The following ECT2 variants were observed in gnomAD, a reference collection of about 807,000 sequenced individuals.
The protein encoded by ECT2 is epithelial cell transforming 2, also known as protein ECT2.
Under a neutral mutation model 116.9 loss-of-function variants are expected in ECT2, and 61 were observed. That is an observed-to-expected ratio of 0.52 (90% CI 0.42 to 0.65). The LOEUF is 0.65. ECT2 is among the 30% of genes least tolerant of loss of function. ECT2 has a pLI of 0.00. For missense variants in ECT2, 937 were observed against 1,078.7 expected, an observed-to-expected ratio of 0.87 and a Z score of 1.84; for synonymous variants, 358 against 346.4, an observed-to-expected ratio of 1.03 and a Z score of -0.37.
intron 24 of ECT2, chr3:172,818,626 G>T: frequency 7.8e-7 from 1 of 1,289,024 alleles, no homozygotes; most frequent in South Asian, 1.2e-5. Flanking sequence ...CTCTACTGGT[G>T]GGCGCTCTCA....
In ECT2 at chr3:172,806,217, G is replaced by A. The variant is rs575367647; in HGVS notation, c.2245+348G>A. 6.5e-5 allele frequency: 11 copies of A among 168,190 alleles called. No individual in the cohort carries two copies. The South Asian group carries it at 1.1e-3, about 17-fold the overall frequency. The allele number at this position is 168,190 out of a possible 1,614,324, so 10.4% of individuals were successfully genotyped here. On this transcript the variant is annotated intron_variant, in intron 21 of 24. Transcript: ENST00000392692. ...CTTCAGAATACAAAATAACCAGTCT[G>A]TTACCTGCACCCCTCATCTTAACAC...
intron 18 of ECT2, among the ~76,000 whole-genome samples, chr3:172,795,741 G>A (rs892131801): frequency 1.3e-5 from 2 of 152,108 alleles, no homozygotes; most frequent in Admixed American, 1.3e-4. Flanking sequence ...CAAGTAATTT[G>A]AAATCTTTAA....
chr3:172,816,830 C>T lies in ECT2; in HGVS notation c.2648C>T (p.Ser883Leu), dbSNP rs376069595. 6.3e-7 allele frequency: 1 copy of T among 1,579,202 alleles called. No individual in the cohort carries two copies. The highest frequency in any genetic ancestry group is 8.6e-7 in the Non-Finnish European group (1 of 1,158,156). Residue 883 changes from serine to leucine, a missense_variant, in exon 24 of 25, where the codon TCA becomes TTA. Coordinates refer to ENST00000392692, the MANE Select transcript of ECT2 (RefSeq NM_001258315.2). The part of the protein sequence containing the change: ...HVMSRLSSTS[S>L]LAGIPSPSLV... ...ATGAGTCGTCTTTCTAGCACATCATCATTAGCAGTAAGTTATTTTGATTTA... is the reference window on the plus strand; with the variant it reads ...ATGAGTCGTCTTTCTAGCACATCATTATTAGCAGTAAGTTATTTTGATTTA...
chr3:172,822,967 G>C (rs910168699), downstream of ECT2, among the ~76,000 whole-genome samples: 3 of 152,064 alleles, frequency 2.0e-5, no homozygotes, highest in East Asian at 5.8e-4. Context: ...TTGAAGAGTT[G>C]AGAGTTTTCT....
chr3:172,791,700 AG>A (rs1367609807), intron 18 of ECT2, among the ~76,000 whole-genome samples: 4 of 152,234 alleles, frequency 2.6e-5, no homozygotes, highest in Non-Finnish European at 4.4e-5. Flanking sequence ...TGGATTGTTA[AG>A]GCTGGTCTGA....
chr3:172,800,651 G>T (rs970358805), intron 18 of ECT2, among the ~76,000 whole-genome samples: 14 of 152,188 alleles, frequency 9.2e-5, no homozygotes, highest in Admixed American at 5.2e-4. Context: ...TGTTTACTCT[G>T]ATGTTATTCT....
In ECT2 at chr3:172,754,600, T is replaced by C. The variant is rs1560237259; in HGVS notation, c.70T>C (p.Ser24Pro). Reference sequence around the variant, plus strand: ...CTTGGCAGACTCTTCCATTTTTGATTCTAAAGTTACTGAGATTTCCAAGGA... The same window carrying C: ...CTTGGCAGACTCTTCCATTTTTGATCCTAAAGTTACTGAGATTTCCAAGGA... Reference protein sequence around the residue: ...TSLADSSIFDSKVTEISKENL... With the variant: ...TSLADSSIFDPKVTEISKENL... The change falls in exon 2 of 25, where the codon TCT becomes CCT. Residue 24 changes from serine to proline, a missense_variant. Coordinates refer to ENST00000392692, the MANE Select transcript of ECT2 (RefSeq NM_001258315.2). 2.5e-6 allele frequency: 4 copies of C among 1,612,068 alleles called. No individual in the cohort carries two copies. The South Asian group carries it at 3.3e-5, about 13-fold the overall frequency.
chr3:172,822,348 AT>A (rs1730729383), downstream of ECT2, among the ~76,000 whole-genome samples: 1 of 152,028 alleles, frequency 6.6e-6, no homozygotes, highest in South Asian at 2.1e-4. Flanking sequence ...AACATCAAGC[AT>A]TTCTTTATGA....
At position 172,773,992 on chromosome 3, in the gene ECT2, A is replaced by G. The variant is rs1295168005; in HGVS notation, c.1518A>G (p.Pro506=). ...TTAAGACTATTTTTGGTAGCATCCC[A>G]GATATCTTTGATGTACACACTAAGA... is the stretch of plus-strand genomic sequence containing the variant. The part of the protein sequence containing the change: ...EEIKTIFGSI[P]DIFDVHTKIK... The change falls in exon 14 of 25, where the codon CCA becomes CCG. Residue 506 remains proline, a synonymous_variant. Coordinates refer to ENST00000392692, the MANE Select transcript of ECT2 (RefSeq NM_001258315.2). The G allele has an allele frequency of 1.2e-6, 2 of 1,613,024 alleles. No individual in the cohort carries two copies. The highest frequency in any genetic ancestry group is 2.2e-5 in the East Asian group (1 of 44,852).
At chr3:172,758,854 C>T in intron 5 of ECT2, 126 bp from the exon 6 acceptor site, 3 of 744,454 alleles carry the variant, frequency 4.0e-6, no homozygotes, top group South Asian at 1.8e-5. Flanking sequence ...GAAAAAATGC[C>T]AGTAAATCTT....
intron 24 of ECT2, among the ~76,000 whole-genome samples, chr3:172,817,966 G>A (rs750947065): frequency 2.0e-5 from 3 of 152,034 alleles, no homozygotes; most frequent in East Asian, 1.9e-4. Flanking sequence ...TTTCAATTTC[G>A]TTGTCTGTAA....
chr3:172,827,116 A>G, the ECT2 span, among the ~76,000 whole-genome samples: 1 of 152,214 alleles, frequency 6.6e-6, no homozygotes, highest in Non-Finnish European at 1.5e-5. Context: ...GATAGCTTTT[A>G]TAAAAAGAAC....
At chr3:172,786,704 T>A in intron 18 of ECT2, 130 bp downstream of exon 18, 1 of 612,996 alleles carries the variant, frequency 1.6e-6, no homozygotes, top group Non-Finnish European at 2.9e-6. Context: ...TTTCTAATAG[T>A]GTAGTTACAC....
rs767899343 is a variant in ECT2 at position 172,762,560 on chromosome 3, T to C, written c.889+14T>C. On this transcript the variant is annotated intron_variant, in intron 9 of 24. Transcript: ENST00000392692. The stretch of plus-strand genomic sequence containing the variant: ...CTGAAATGCAAGGTAAAATTTAGCA[T>C]AATGTAAAAGTTATATCTATTTTAG... The C allele has an allele frequency of 6.3e-7, 1 of 1,588,088 alleles. No individual in the cohort carries two copies. The highest frequency in any genetic ancestry group is 2.2e-5 in the East Asian group (1 of 44,638).
intron 11 of ECT2, among the ~76,000 whole-genome samples, chr3:172,763,316 C>T (rs1010878929): frequency 6.6e-6 from 1 of 152,064 alleles, no homozygotes; most frequent in Non-Finnish European, 1.5e-5. Flanking sequence ...TTTTAGGTAG[C>T]CTCGCTCTGA....
chr3:172,792,328 AAAC>A (rs1340536790), intron 18 of ECT2, among the ~76,000 whole-genome samples: 1 of 152,218 alleles, frequency 6.6e-6, no homozygotes, highest in Non-Finnish European at 1.5e-5. Flanking sequence ...TCAATCTGTG[AAAC>A]AACAACAGCA....
chr3:172,762,292 A>G (rs540059670), intron 8 of ECT2, 124 bp from the exon 9 acceptor site: 28 of 1,040,698 alleles, frequency 2.7e-5, no homozygotes, highest in Middle Eastern at 3.3e-4. Flanking sequence ...AGGACCAAAT[A>G]TTAAATAGTT....
chr3:172,789,403 C>T (rs1451345776), intron 18 of ECT2, among the ~76,000 whole-genome samples: 4 of 151,996 alleles, frequency 2.6e-5, no homozygotes, highest in Non-Finnish European at 1.5e-5. Flanking sequence ...GGGGTTTTGC[C>T]ATGTAGCCCA....
intron 18 of ECT2, among the ~76,000 whole-genome samples, chr3:172,798,304 A>G (rs1726095813): frequency 6.6e-6 from 1 of 152,152 alleles, no homozygotes; most frequent in Non-Finnish European, 1.5e-5. Context: ...TGTCAGTTGC[A>G]AACTTTCACC....
Sources: gnomAD v4.1 joint callset for allele counts (sites outside exome capture counted in the v4.1 genomes callset) on GRCh38, gnomAD v4.1.1 for gene constraint, MANE v1.5 for transcripts, NCBI Gene and HGNC (gene_info 2026-07-23, HGNC 2026-07-21) for gene names.